Variants in PDIA3 observed in about 807,000 individuals in gnomAD.
PDIA3 encodes protein disulfide-isomerase A3.
PDIA3 carries 16 observed loss-of-function variants against 56.9 expected under a neutral mutation model. That is an observed-to-expected ratio of 0.28 (90% CI 0.19 to 0.43). The LOEUF (loss-of-function observed/expected upper bound fraction) is 0.43. PDIA3 is among the 20% of genes least tolerant of loss of function. The pLI, the probability that PDIA3 is intolerant of heterozygous loss-of-function variation, is 1.00. For synonymous variants in PDIA3, 192 were observed against 216.5 expected (o/e 0.89, Z 0.99); for missense variants, 485 against 621.3 (o/e 0.78, Z 2.33).
intron 2 of PDIA3, among the ~76,000 whole-genome samples, chr15:43,756,408 T>G (rs1307853196): frequency 1.3e-5 from 2 of 152,214 alleles, no homozygotes; most frequent in Non-Finnish European, 2.9e-5. Flanking sequence ...GGGCAGAATT[T>G]AAACAGGAAC....
At chr15:43,747,086 A>G (rs543146079) in intron 1 of PDIA3, 72 of 189,186 alleles carry the variant, frequency 3.8e-4, no homozygotes, top group Non-Finnish European at 7.5e-4. Context: ...CTTGTAGTGG[A>G]AGCGGACGTT....
intron 1 of PDIA3, among the ~76,000 whole-genome samples, chr15:43,753,523 G>C (rs944962896): frequency 7.9e-5 from 12 of 152,082 alleles, no homozygotes; most frequent in Non-Finnish European, 2.9e-5. Context: ...CTTTAATAAT[G>C]TGGCGTACAC....
chr15:43,763,630 A>G lies in PDIA3; in HGVS notation c.602+424A>G, dbSNP rs189294666. ...AAGGCATTATGCTACATGCCCAGAA[A>G]CTATTGCTGCCTTCAAGGAACATCC... is the stretch of plus-strand genomic sequence containing the variant. On this transcript the variant is annotated intron_variant, in intron 5 of 12. Transcript: ENST00000300289. 1.4e-3 allele frequency among the ~76,000 whole-genome samples: 206 copies of G among 152,206 alleles called. 1 individual carries two copies. The highest frequency in any genetic ancestry group is 4.6e-3 in the African/African-American group (191 of 41,536).
chr15:43,750,444 AAATGTCCGAAAATTTATT>A (rs1311451038), intron 1 of PDIA3, among the ~76,000 whole-genome samples: 1 of 152,058 alleles, frequency 6.6e-6, no homozygotes, highest in Non-Finnish European at 1.5e-5. Context: ...AAATGTTTGG[AAATGTCCGAAAATTTATT>A]GATTAGTGTT....
chr15:43,746,754 G>T, intron 1 of PDIA3, 48 bp downstream of exon 1: 2 of 1,600,598 alleles, frequency 1.2e-6, no homozygotes, highest in Non-Finnish European at 1.7e-6. Context: ...GGCTGGGCCG[G>T]GGGCGAGAGC....
chr15:43,746,971 CA>C (rs1255704836), intron 1 of PDIA3: 2 of 545,236 alleles, frequency 3.7e-6, no homozygotes, highest in Non-Finnish European at 6.6e-6. Flanking sequence ...TTCCTATTTG[CA>C]GAGGGTTTTG....
intron 3 of PDIA3, 75 bp from the exon 4 acceptor site, chr15:43,761,349 G>A: frequency 5.2e-6 from 4 of 769,126 alleles, no homozygotes; most frequent in South Asian, 3.4e-5. Flanking sequence ...CTTCTGAATT[G>A]TGAATGATGA....
At position 43,770,544 on chromosome 15, in the gene PDIA3, T is replaced by C. The variant is rs1349852587; in HGVS notation, c.1368T>C (p.Ser456=). 1 of 1,612,346 alleles carries C rather than the reference T, an allele frequency of 6.2e-7. No individual in the cohort carries two copies. The highest frequency in any genetic ancestry group is 8.5e-7 in the Non-Finnish European group (1 of 1,178,334). ...EVRGFPTIYF[S]PANKKLNPKK... ...CCAGTTTTCCTACCATATACTTCTC[T>C]CCAGCCAACAAGAAGCTAAATCCAA... The change falls in exon 12 of 13, where the codon TCT becomes TCC. Residue 456 remains serine (S), a synonymous_variant. Coordinates refer to ENST00000300289, the MANE Select transcript of PDIA3 (RefSeq NM_005313.5).
At chr15:43,760,286 G>A (rs1194330623) in intron 3 of PDIA3, among the ~76,000 whole-genome samples, 2 of 151,722 alleles carry the variant, frequency 1.3e-5, no homozygotes, top group Non-Finnish European at 2.9e-5. Flanking sequence ...AGCTACTCAG[G>A]AGACTGAGGC....
In PDIA3 at chr15:43,773,075, G is replaced by A. The variant is rs1567160953; in HGVS notation, c.*1857G>A. On this transcript the variant is annotated 3_prime_UTR_variant, in exon 13 of 13. Coordinates refer to ENST00000300289, the MANE Select transcript of PDIA3 (RefSeq NM_005313.5). ...TAGTTTATAGCTGCTTTGTTCCTTT[G>A]TGTTTCACTAAGCAGAGGCTCAAAA... 5 of 1,521,158 alleles carry A rather than the reference G, an allele frequency of 3.3e-6. No homozygotes were observed. Among genetic ancestry groups the A allele is most frequent in the Non-Finnish European group, 4.5e-6 (5 of 1,123,094 alleles). 94.2% of individuals were successfully genotyped at this position (1,521,158 alleles called of 1,614,324 possible).
intron 9 of PDIA3, 24 bp from the exon 10 acceptor site, chr15:43,769,494 T>C (rs778608480): frequency 1.2e-6 from 2 of 1,609,140 alleles, no homozygotes; most frequent in South Asian, 2.2e-5. Context: ...TGTTACCAAC[T>C]AGAGATTCTT....
intron 4 of PDIA3, 46 bp from the exon 5 acceptor site, chr15:43,763,031 G>A: frequency 6.3e-7 from 1 of 1,593,260 alleles, no homozygotes; most frequent in East Asian, 2.2e-5. Context: ...ATGTCCATCT[G>A]TCAGCACTTA....
chr15:43,751,608 GGA>G (rs2086744658), intron 1 of PDIA3: 2 of 1,303,958 alleles, frequency 1.5e-6, no homozygotes, highest in Non-Finnish European at 2.0e-6. Flanking sequence ...GATTTGAAGA[GGA>G]GAGTCTCCTC....
At chr15:43,770,221 T>C (rs774473898) in intron 10 of PDIA3, 29 bp from the exon 11 acceptor site, 3 of 1,567,992 alleles carry the variant, frequency 1.9e-6, no homozygotes, top group African/African-American at 2.7e-5. Context: ...AAACTTGAAA[T>C]GTAAACATTT....
Position 43,773,175 on chromosome 15 carries a change from T to G in PDIA3, c.*1957T>G. ...ATGAGACCTTTAATGTGGGACAATT[T>G]CTGGTGAAGGTACTCACAGCGACGC... On this transcript the variant is annotated 3_prime_UTR_variant, in exon 13 of 13. Coordinates refer to ENST00000300289, the MANE Select transcript of PDIA3 (RefSeq NM_005313.5). 2.5e-6 allele frequency: 4 copies of G among 1,614,022 alleles called. No homozygotes were observed. Among genetic ancestry groups the G allele is most frequent in the East Asian group, 2.2e-5 (1 of 44,882 alleles).
intron 1 of PDIA3, among the ~76,000 whole-genome samples, chr15:43,749,731 G>A (rs1457185077): frequency 6.6e-6 from 1 of 152,022 alleles, no homozygotes; most frequent in Non-Finnish European, 1.5e-5. Flanking sequence ...AGGCAGTGGC[G>A]AGGTAAGAGA....
chr15:43,751,957 C>T (rs2086747181), intron 1 of PDIA3, among the ~76,000 whole-genome samples: 2 of 152,212 alleles, frequency 1.3e-5, no homozygotes, highest in African/African-American at 4.8e-5. Context: ...ACAGAAATCT[C>T]TCATCTGTCT....
At chr15:43,755,384 A>G (rs962232490) in intron 2 of PDIA3, among the ~76,000 whole-genome samples, 1 of 152,224 alleles carries the variant, frequency 6.6e-6, no homozygotes, top group Non-Finnish European at 1.5e-5. Flanking sequence ...TGTGATAATC[A>G]CAATGATGGT....
chr15:43,752,279 A>G (rs539395708), intron 1 of PDIA3, among the ~76,000 whole-genome samples: 1 of 152,144 alleles, frequency 6.6e-6, no homozygotes, highest in Admixed American at 6.6e-5. Context: ...TCCAATTGTT[A>G]CTCCCTTTAA....
Sources: allele counts gnomAD v4.1 joint callset (sites outside exome capture counted in the v4.1 genomes callset), GRCh38; gene constraint gnomAD v4.1.1; transcripts MANE v1.5; gene names NCBI Gene and HGNC (gene_info 2026-07-23, HGNC 2026-07-21).